Variants in CHRNA7 observed in about 807,000 individuals in gnomAD.
The protein encoded by CHRNA7 is neuronal acetylcholine receptor subunit alpha-7.
Under a neutral mutation model 48.0 loss-of-function variants are expected in CHRNA7, and 17 were observed. The ratio of observed to expected loss-of-function variants is 0.35; its 90% CI spans 0.24 to 0.53. CHRNA7 has a LOEUF of 0.53. CHRNA7 is among the 20% of genes least tolerant of loss of function. The pLI, the probability that CHRNA7 is intolerant of heterozygous loss-of-function variation, is 0.92. For missense variants in CHRNA7, 155 were observed against 577.7 expected (o/e 0.27, Z 7.50); for synonymous variants, 75 against 242.3 (o/e 0.31, Z 6.41).
intron 2 of CHRNA7, among the ~76,000 whole-genome samples, chr15:32,089,309 T>G (rs557628723): frequency 3.3e-5 from 5 of 149,364 alleles, no homozygotes; most frequent in East Asian, 3.9e-4. Context: ...GGATAATCTG[T>G]TTTTTTTTTC....
At chr15:32,058,455 G>A (rs981139594) in intron 2 of CHRNA7, among the ~76,000 whole-genome samples, 1 of 152,174 alleles carries the variant, frequency 6.6e-6, no homozygotes, top group Non-Finnish European at 1.5e-5. Context: ...GAAGCAGCTG[G>A]TCATTGATGT....
In CHRNA7 at chr15:32,121,662, G is replaced by A. The variant is rs144848016; in HGVS notation, c.350+9763G>A. On this transcript the variant is annotated intron_variant, in intron 4 of 9. Transcript: ENST00000306901. ...ACTGTTCACGGCAGGGTGGCCATAC[G>A]TCTTGGTCTGTCTGGGACAGCCCGG... Among the ~76,000 whole-genome samples, 1,118 of 152,340 alleles carry A rather than the reference G, an allele frequency of 7.3e-3. 12 individuals carry two copies. Among genetic ancestry groups the A allele is most frequent in the African/African-American group, 0.026 (1,061 of 41,580 alleles).
intron 4 of CHRNA7, among the ~76,000 whole-genome samples, chr15:32,139,946 A>T (rs1280192890): frequency 6.6e-6 from 1 of 152,088 alleles, no homozygotes; most frequent in Non-Finnish European, 1.5e-5. Context: ...TTATACTTTA[A>T]GTTATAGGGT....
At chr15:32,050,179 G>C (rs377344221) in intron 2 of CHRNA7, among the ~76,000 whole-genome samples, 2 of 152,134 alleles carry the variant, frequency 1.3e-5, no homozygotes, top group African/African-American at 4.8e-5. Context: ...TTTCCTGAAT[G>C]TGAATGTTGG....
chr15:32,071,406 CTGTT>C (rs1244680875), intron 2 of CHRNA7, among the ~76,000 whole-genome samples: 7 of 152,118 alleles, frequency 4.6e-5, no homozygotes, highest in South Asian at 2.1e-4. Context: ...GTGAATATGT[CTGTT>C]TATTTCTTCT....
chr15:32,048,767 G>T (rs2049605202), intron 2 of CHRNA7, among the ~76,000 whole-genome samples: 1 of 152,046 alleles, frequency 6.6e-6, no homozygotes, highest in Non-Finnish European at 1.5e-5. Flanking sequence ...CTGTTAGGGT[G>T]TCAATTTTGG....
chr15:32,053,253 G>C (rs1035615084), intron 2 of CHRNA7, among the ~76,000 whole-genome samples: 4 of 152,220 alleles, frequency 2.6e-5, no homozygotes, highest in African/African-American at 7.2e-5. Context: ...GAAGGGTTCA[G>C]CTCTCTCAGA....
intron 4 of CHRNA7, among the ~76,000 whole-genome samples, chr15:32,137,028 T>A (rs2051276275): frequency 2.2e-5 from 1 of 45,858 alleles, no homozygotes; most frequent in African/African-American, 1.7e-4. Context: ...CGAGACTCCG[T>A]CTCAAAAAAA....
At chr15:32,037,754 T>C (rs1902161013) in intron 2 of CHRNA7, among the ~76,000 whole-genome samples, 1 of 152,116 alleles carries the variant, frequency 6.6e-6, no homozygotes, top group African/African-American at 2.4e-5. Flanking sequence ...ATGTTAACCT[T>C]GTCTTCTGCA....
chr15:32,152,213 T>TGG (rs5811684), intron 4 of CHRNA7, among the ~76,000 whole-genome samples: 11 of 151,766 alleles, frequency 7.2e-5, no homozygotes, highest in African/African-American at 2.2e-4. Flanking sequence ...AGAGGCTAAG[T>TGG]GGGGGTGGAT....
chr15:32,107,845 C>A (rs2141272967), intron 3 of CHRNA7, among the ~76,000 whole-genome samples: 1 of 152,210 alleles, frequency 6.6e-6, no homozygotes, highest in South Asian at 2.1e-4. Context: ...GACCAGCCCC[C>A]ATGAAAGCTA....
chr15:32,031,003 A>G lies in CHRNA7; in HGVS notation c.161A>G (p.Tyr54Cys), dbSNP rs372054567. The change falls in exon 2 of 10, where the codon TAC (tyrosine) becomes TGC (cysteine). Residue 54 changes from tyrosine to cysteine, a missense_variant. Tyr to Cys is a radical substitution (Grantham distance 194). Transcript: ENST00000306901. ...VANDSQPLTV[Y>C]FSLSLLQIMD... is the part of the protein sequence containing the mutation. Reference sequence around the variant, plus strand: ...AATGACTCGCAACCACTCACCGTCTACTTCTCCCTGAGCCTCCTGCAGATC... The same window carrying G: ...AATGACTCGCAACCACTCACCGTCTGCTTCTCCCTGAGCCTCCTGCAGATC... The G allele has an allele frequency of 7.4e-6, 12 of 1,614,012 alleles. No individual in the cohort carries two copies. Among genetic ancestry groups the G allele is most frequent in the South Asian group, 1.1e-5 (1 of 91,084 alleles).
At chr15:32,076,281 T>C (rs1301660928) in intron 2 of CHRNA7, among the ~76,000 whole-genome samples, 1 of 152,214 alleles carries the variant, frequency 6.6e-6, no homozygotes, top group Non-Finnish European at 1.5e-5. Flanking sequence ...CCAGCTATAA[T>C]TGTGGATGCT....
At chr15:32,053,274 T>G (rs1159794081) in intron 2 of CHRNA7, among the ~76,000 whole-genome samples, 1 of 152,250 alleles carries the variant, frequency 6.6e-6, no homozygotes, top group East Asian at 1.9e-4. Context: ...GCTTCTCGTT[T>G]CATCTTTGAC....
chr15:32,142,474 G>A (rs1201117132), intron 4 of CHRNA7, among the ~76,000 whole-genome samples: 4 of 152,150 alleles, frequency 2.6e-5, no homozygotes, highest in African/African-American at 9.7e-5. Context: ...TCTATTGATT[G>A]GAATAGTTTC....
At chr15:32,106,374 CAGAA>C (rs1174926914) in intron 3 of CHRNA7, among the ~76,000 whole-genome samples, 1 of 152,064 alleles carries the variant, frequency 6.6e-6, no homozygotes, top group Non-Finnish European at 1.5e-5. Context: ...ATGGAAAAGG[CAGAA>C]AGGTAAAAAA....
intron 4 of CHRNA7, among the ~76,000 whole-genome samples, chr15:32,143,507 G>A (rs1177492202): frequency 6.6e-6 from 1 of 151,962 alleles, no homozygotes; most frequent in African/African-American, 2.4e-5. Flanking sequence ...ATCTAATATT[G>A]ACAGTGGGCT....
intron 4 of CHRNA7, among the ~76,000 whole-genome samples, chr15:32,148,156 C>T (rs187058442): frequency 1.1e-4 from 17 of 152,282 alleles, no homozygotes; most frequent in East Asian, 3.9e-4. Context: ...TGAACCCATG[C>T]GAAGCATTTT....
At chr15:32,156,261 G>A (rs2051736682) in intron 5 of CHRNA7, 2 of 119,478 alleles carry the variant, frequency 1.7e-5, no homozygotes. Flanking sequence ...TGGCAGACAA[G>A]GTGGGTTTTG....
Sources: gnomAD v4.1 joint callset for allele counts (sites outside exome capture counted in the v4.1 genomes callset) on GRCh38, gnomAD v4.1.1 for gene constraint, MANE v1.5 for transcripts, NCBI Gene and HGNC (gene_info 2026-07-23, HGNC 2026-07-21) for gene names.